Variants in COQ8A observed in about 807,000 individuals in gnomAD.
COQ8A encodes coenzyme Q8A, also known as atypical kinase COQ8A, mitochondrial.
Under a neutral mutation model 65.0 loss-of-function variants are expected in COQ8A, and 51 were observed. The ratio of observed to expected loss-of-function variants is 0.78; its 90% CI spans 0.63 to 0.99. The LOEUF is 0.99. Ranked by LOEUF, COQ8A falls within the 50% of genes least tolerant of loss-of-function variation. COQ8A has a pLI of 0.00. For missense variants in COQ8A, 940 were observed against 875.0 expected (o/e 1.07, Z -0.94); for synonymous variants, 371 against 353.2 (o/e 1.05, Z -0.57).
rs150221608 is a variant in COQ8A, at chr1:226,961,435, A to G, written c.50A>G (p.Lys17Arg). 9.9e-6 allele frequency: 16 copies of G among 1,613,714 alleles called. No individual in the cohort carries two copies. The highest frequency in any genetic ancestry group is 9.3e-5 in the African/African-American group (7 of 74,940). The change falls in exon 2 of 15, where the codon AAG becomes AGG. Residue 17 changes from lysine (K) to arginine (R), a missense_variant. Coordinates refer to ENST00000366777, the MANE Select transcript of COQ8A (RefSeq NM_020247.5). ...DTIMVAKGLV[K>R]LTQAAVETHL... is the part of the protein sequence containing the mutation. Reference sequence around the variant, plus strand: ...ATCATGGTGGCTAAAGGCCTTGTCAAGCTGACCCAGGCGGCCGTGGAAACC... The same window carrying G: ...ATCATGGTGGCTAAAGGCCTTGTCAGGCTGACCCAGGCGGCCGTGGAAACC...
rs375821684 is a variant in COQ8A, at chr1:226,983,603, G to A, written c.1132G>A (p.Val378Met). ...INSDVNNLMA[V>M]LNMSNMLPEG... is the part of the protein sequence containing the mutation. ...CAGTGATGTCAACAACCTCATGGCCGTGTTGAACATGAGCAACATGCTTCC... is the reference window on the plus strand; with the variant it reads ...CAGTGATGTCAACAACCTCATGGCCATGTTGAACATGAGCAACATGCTTCC... The change falls in exon 9 of 15, where the codon GTG becomes ATG. Residue 378 changes from valine to methionine, a missense_variant. Val to Met is a conservative substitution (Grantham distance 21, BLOSUM62 1). Transcript: ENST00000366777. The A allele has an allele frequency of 4.0e-5, 65 of 1,613,886 alleles. No individual in the cohort carries two copies. The highest frequency in any genetic ancestry group is 6.7e-5 in the African/African-American group (5 of 74,938).
rs1276818315 is a variant in COQ8A, at chr1:226,983,025, G to A, written c.1071G>A (p.Met357Ile). 1 of 1,588,416 alleles carries A rather than the reference G, an allele frequency of 6.3e-7. No individual in the cohort carries two copies. The highest frequency in any genetic ancestry group is 8.6e-7 in the Non-Finnish European group (1 of 1,168,596). The change falls in exon 8 of 15, where the codon ATG (methionine) becomes ATA (isoleucine). Residue 357 changes from methionine to isoleucine, a missense_variant. Physicochemically the swap from Met to Ile is conservative, Grantham distance 10 (BLOSUM62 1). Transcript: ENST00000366777. ...ARMKGGREVAMKIQYPGVAQS... is the reference protein window; with the variant it reads ...ARMKGGREVAIKIQYPGVAQS... ...TGAAGGGCGGCCGCGAGGTGGCCATGAAGATCCAGGTAGGCGGCCTGATGC... is the reference window on the plus strand; with the variant it reads ...TGAAGGGCGGCCGCGAGGTGGCCATAAAGATCCAGGTAGGCGGCCTGATGC...
intron 5 of COQ8A, among the ~76,000 whole-genome samples, chr1:226,978,116 C>G (rs1367946699): frequency 6.7e-6 from 1 of 149,976 alleles, no homozygotes; most frequent in African/African-American, 2.5e-5. Flanking sequence ...GTCACACACC[C>G]CCTGCACACC....
chr1:226,982,906 A>G lies in COQ8A; in HGVS notation c.952A>G (p.Asn318Asp), dbSNP rs765425276. The G allele has an allele frequency of 1.1e-5, 17 of 1,612,644 alleles. No individual in the cohort carries two copies. Among genetic ancestry groups the G allele is most frequent in the Middle Eastern group, 3.3e-4 (2 of 6,046 alleles). Residue 318 changes from asparagine to aspartate, a missense_variant, in exon 8 of 15, where the codon AAC (asparagine) becomes GAC (aspartate). Physicochemically the swap from Asn to Asp is conservative, Grantham distance 23. Transcript: ENST00000366777. The part of the protein sequence containing the change: ...PLKQMMKTLN[N>D]DLGPNWRDKL... ...CCCTGCCCTTCAGAAAACTCTCAAC[A>G]ACGACCTGGGCCCCAACTGGCGGGA... is the stretch of plus-strand genomic sequence containing the variant.
In COQ8A at chr1:226,984,154, C is replaced by T. The variant is rs1553280571; in HGVS notation, c.1317C>T (p.Ser439=). 1 of 1,613,914 alleles carries T rather than the reference C, an allele frequency of 6.2e-7. No homozygotes were observed. Residue 439 remains serine, a synonymous_variant, in exon 11 of 15, where the codon AGC becomes AGT. Transcript: ENST00000366777. ...YVPEIVDELC[S]PHVLTTELVS... is the part of the protein sequence containing the mutation. Reference sequence around the variant, plus strand: ...CTGAGATTGTGGATGAGCTCTGCAGCCCACATGTGCTGACCACAGAGCTGG... The same window carrying T: ...CTGAGATTGTGGATGAGCTCTGCAGTCCACATGTGCTGACCACAGAGCTGG...
chr1:226,982,814 G>C, intron 7 of COQ8A, 51 bp downstream of exon 7: 2 of 1,612,902 alleles, frequency 1.2e-6, no homozygotes, highest in South Asian at 2.2e-5. Context: ...CCCCCACTGG[G>C]TGGAGGGGAC....
intron 5 of COQ8A, among the ~76,000 whole-genome samples, chr1:226,979,813 G>C (rs1051681229): frequency 3.3e-5 from 5 of 152,216 alleles, no homozygotes; most frequent in African/African-American, 4.8e-5. Context: ...GGCTTAGCAA[G>C]GGTATTTTTA....
intron 1 of COQ8A, among the ~76,000 whole-genome samples, chr1:226,956,046 T>TCACTCTCCCTGGCTCC (rs1657720315): frequency 1.2e-5 from 1 of 80,124 alleles, no homozygotes; most frequent in Non-Finnish European, 2.5e-5. Context: ...TCCCTGGCTC[T>TCACTCTCCCTGGCTCC]CACTCTCCCT....
chr1:226,968,077 A>G (rs1053923921), intron 4 of COQ8A, among the ~76,000 whole-genome samples: 3 of 152,232 alleles, frequency 2.0e-5, no homozygotes, highest in East Asian at 3.9e-4. Flanking sequence ...GTTAACTGTA[A>G]TCTCAGCACT....
rs1284928999 is a variant in COQ8A at position 226,946,509 on chromosome 1, A to C, written c.-10+6110A>C. On this transcript the variant is annotated intron_variant, in intron 1 of 14. Transcript: ENST00000366777. This position sits in a 1 kb window ranked among gnomAD's most constrained non-coding sequence, Gnocchi z 5.3. ...TCCACAGTGAAGGGCCTTGCTGGCC[A>C]GGCCAGACCAGGGAGAGTGGAGATC... Among the ~76,000 whole-genome samples, 1 of 152,114 alleles carries C rather than the reference A, an allele frequency of 6.6e-6. No individual in the cohort carries two copies. Among genetic ancestry groups the C allele is most frequent in the Non-Finnish European group, 1.5e-5 (1 of 68,016 alleles).
At chr1:226,981,358 C>G (rs1176759701) in intron 5 of COQ8A, among the ~76,000 whole-genome samples, 1 of 152,228 alleles carries the variant, frequency 6.6e-6, no homozygotes, top group Non-Finnish European at 1.5e-5. Flanking sequence ...GCCCTCAGCC[C>G]TCCCCTTGGT....
chr1:226,983,503 C>T (rs1217144735), intron 8 of COQ8A, 49 bp from the exon 9 acceptor site: 1 of 1,553,380 alleles, frequency 6.4e-7, no homozygotes, highest in Non-Finnish European at 8.9e-7. Context: ...CAGGCAGGGC[C>T]CACCCGTCTC....
chr1:226,973,738 G>A (rs1315498648), intron 4 of COQ8A, among the ~76,000 whole-genome samples: 1 of 152,274 alleles, frequency 6.6e-6, no homozygotes, highest in Non-Finnish European at 1.5e-5. Flanking sequence ...TGGGGATTCA[G>A]GAACACCTTG....
At chr1:226,977,694 G>C (rs1360957749) in intron 5 of COQ8A, among the ~76,000 whole-genome samples, 171 bp downstream of exon 5, 2 of 152,132 alleles carry the variant, frequency 1.3e-5, no homozygotes, top group East Asian at 3.8e-4. Flanking sequence ...CAGACAGATT[G>C]ACCTGCTTTA....
Position 226,946,861 on chromosome 1 carries a change from G to T in COQ8A, c.-10+6462G>T, listed in dbSNP as rs1362070649. The stretch of plus-strand genomic sequence containing the variant: ...TGGCAAGACTGAGGGCCGTGTGCCC[G>T]ATGGCTCCTCCTAGCTCTTGCACAC... On this transcript the variant is annotated intron_variant, in intron 1 of 14. Coordinates refer to ENST00000366777, the MANE Select transcript of COQ8A (RefSeq NM_020247.5). This position sits in a 1 kb window ranked among gnomAD's most constrained non-coding sequence, Gnocchi z 5.3. Among the ~76,000 whole-genome samples the T allele has an allele frequency of 1.3e-5, 2 of 152,228 alleles. No homozygotes were observed. Among genetic ancestry groups the T allele is most frequent in the African/African-American group, 4.8e-5 (2 of 41,456 alleles).
chr1:226,959,711 C>A (rs1234195263), intron 1 of COQ8A, among the ~76,000 whole-genome samples: 1 of 152,252 alleles, frequency 6.6e-6, no homozygotes, highest in Non-Finnish European at 1.5e-5. Context: ...CCCTATTGGG[C>A]CCTCCTTCCA....
Position 226,976,779 on chromosome 1 carries a change from A to G in COQ8A, c.656-670A>G, listed in dbSNP as rs191313518. ...GATTCGGAAGATTGTGAAAGAGGAT[A>G]ATGGGAAGGCCTGGCACCCCACGGT... is the stretch of plus-strand genomic sequence containing the variant. On this transcript the variant is annotated intron_variant, in intron 4 of 14. Transcript: ENST00000366777. 1.4e-4 allele frequency among the ~76,000 whole-genome samples: 21 copies of G among 152,262 alleles called. No individual in the cohort carries two copies. In the East Asian group the frequency reaches 3.3e-3, roughly 24 times the overall value.
intron 4 of COQ8A, among the ~76,000 whole-genome samples, chr1:226,967,039 G>A (rs1658613198): frequency 6.6e-6 from 1 of 152,216 alleles, no homozygotes; most frequent in Non-Finnish European, 1.5e-5. Flanking sequence ...TGTCATCTAT[G>A]TGACAGCCAA....
chr1:226,941,506 C>T (rs1656689874), intron 1 of COQ8A, among the ~76,000 whole-genome samples: 1 of 152,124 alleles, frequency 6.6e-6, no homozygotes, highest in Non-Finnish European at 1.5e-5. Context: ...GTGGCTCACG[C>T]CTGTAATCCC....
Sources: allele counts gnomAD v4.1 joint callset (sites outside exome capture counted in the v4.1 genomes callset), GRCh38; gene constraint gnomAD v4.1.1; non-coding constraint Gnocchi (gnomAD v3.1); transcripts MANE v1.5; gene names NCBI Gene and HGNC (gene_info 2026-07-23, HGNC 2026-07-21).